The following GANC variants were observed in gnomAD, a reference collection of about 807,000 sequenced individuals.
The protein encoded by GANC is neutral alpha-glucosidase C.
Under a neutral mutation model 124.2 loss-of-function variants are expected in GANC, and 117 were observed. That is an observed-to-expected ratio of 0.94 (90% CI 0.81 to 1.10). The LOEUF (loss-of-function observed/expected upper bound fraction) is 1.10. GANC is among the 50% of genes least tolerant of loss of function. GANC has a pLI of 0.00. For synonymous variants in GANC, 377 were observed against 376.8 expected (o/e 1.00, Z -0.01); for missense variants, 1,140 against 1,095.0 (o/e 1.04, Z -0.58).
chr15:42,342,820 C>T (rs1293746351), intron 18 of GANC, among the ~76,000 whole-genome samples: 1 of 152,120 alleles, frequency 6.6e-6, no homozygotes. Context: ...GTGTCAGAGT[C>T]CCTTCCTATA....
At chr15:42,287,085 A>G (rs1273242320) in intron 3 of GANC, among the ~76,000 whole-genome samples, 1 of 152,244 alleles carries the variant, frequency 6.6e-6, no homozygotes, top group Non-Finnish European at 1.5e-5. Flanking sequence ...CACGGTAGGC[A>G]GAATTTTACT....
chr15:42,299,000 G>A (rs550161492), intron 6 of GANC, among the ~76,000 whole-genome samples: 12 of 152,186 alleles, frequency 7.9e-5, no homozygotes, highest in African/African-American at 1.2e-4. Context: ...AAATCATGTC[G>A]TCTACAAACA....
At chr15:42,286,010 G>GTTT (rs879779789) in intron 3 of GANC, among the ~76,000 whole-genome samples, 6 of 144,568 alleles carry the variant, frequency 4.2e-5, no homozygotes, top group Admixed American at 2.8e-4. Flanking sequence ...ACAAAAATTA[G>GTTT]TTTTTTTTTT....
At chr15:42,347,197 G>C (rs560976894) in intron 20 of GANC, among the ~76,000 whole-genome samples, 1 of 151,340 alleles carries the variant, frequency 6.6e-6, no homozygotes. Flanking sequence ...AAAAAGAAGA[G>C]AGAGATTGGC....
At chr15:42,317,173 A>G (rs149316944) in intron 10 of GANC, among the ~76,000 whole-genome samples, 6 of 152,354 alleles carry the variant, frequency 3.9e-5, no homozygotes, top group Admixed American at 3.3e-4. Context: ...ATCCAAGTGC[A>G]CATCAAAGAT....
chr15:42,343,744 C>A (rs771248145), intron 19 of GANC, among the ~76,000 whole-genome samples: 1 of 152,130 alleles, frequency 6.6e-6, no homozygotes, highest in Non-Finnish European at 1.5e-5. Context: ...GGAATACCAG[C>A]GGTCTGCAGG....
intron 15 of GANC, among the ~76,000 whole-genome samples, chr15:42,334,549 A>C (rs142337326): frequency 0.012 from 1,893 of 152,332 alleles, 26 homozygotes; most frequent in South Asian, 0.031. Context: ...AAAATGACAA[A>C]TTAGACTTTA....
intron 4 of GANC, among the ~76,000 whole-genome samples, chr15:42,289,931 A>G (rs1269689881): frequency 6.6e-6 from 1 of 152,212 alleles, no homozygotes; most frequent in Non-Finnish European, 1.5e-5. Context: ...ACAGAGGGAC[A>G]ACCACGTGAA....
intron 18 of GANC, among the ~76,000 whole-genome samples, chr15:42,342,179 A>G (rs1314228839): frequency 6.6e-6 from 1 of 152,228 alleles, no homozygotes; most frequent in Non-Finnish European, 1.5e-5. Flanking sequence ...GGCATGCAGT[A>G]GGCACTCGAA....
At chr15:42,320,162 G>T (rs867062357) in intron 10 of GANC, among the ~76,000 whole-genome samples, 1 of 152,054 alleles carries the variant, frequency 6.6e-6, no homozygotes, top group African/African-American at 2.4e-5. Flanking sequence ...CAGCCTGGGC[G>T]ACAGAGCTAA....
At chr15:42,321,494 C>G (rs1420096615) in intron 10 of GANC, among the ~76,000 whole-genome samples, 1 of 152,188 alleles carries the variant, frequency 6.6e-6, no homozygotes, top group Non-Finnish European at 1.5e-5. Flanking sequence ...TGAAGCCTTT[C>G]AAGACCCTAT....
At chr15:42,284,563 G>C (rs1380547232) in intron 3 of GANC, among the ~76,000 whole-genome samples, 1 of 152,152 alleles carries the variant, frequency 6.6e-6, no homozygotes, top group Non-Finnish European at 1.5e-5. Flanking sequence ...GTACTAAAAT[G>C]AACCTCCAAA....
At chr15:42,340,601 TAAAAAAAA>T in intron 17 of GANC, 81 bp from the exon 18 acceptor site, 1 of 795,278 alleles carries the variant, frequency 1.3e-6, no homozygotes, top group Non-Finnish European at 1.9e-6. Flanking sequence ...GAGATCCATC[TAAAAAAAA>T]AAAAAAAACT....
chr15:42,337,322 T>C (rs779380088), intron 15 of GANC, among the ~76,000 whole-genome samples: 1 of 152,180 alleles, frequency 6.6e-6, no homozygotes, highest in Non-Finnish European at 1.5e-5. Context: ...GAATGAGATA[T>C]CTTGCCTGTG....
chr15:42,350,551 CTT>C (rs1265729419), intron 22 of GANC, among the ~76,000 whole-genome samples: 5 of 123,336 alleles, frequency 4.1e-5, no homozygotes, highest in Admixed American at 8.4e-5. Flanking sequence ...ACAGAGTTGT[CTT>C]TTTTTTTTTT....
At chr15:42,294,619 A>G (rs1390795001) in intron 5 of GANC, among the ~76,000 whole-genome samples, 2 of 147,990 alleles carry the variant, frequency 1.4e-5, no homozygotes, top group African/African-American at 2.5e-5. Context: ...TTTTTTGTGT[A>G]TCCTTTCAGA....
At chr15:42,298,613 C>G (rs2051914464) in intron 6 of GANC, among the ~76,000 whole-genome samples, 1 of 152,186 alleles carries the variant, frequency 6.6e-6, no homozygotes, top group African/African-American at 2.4e-5. Context: ...ATGGACACTC[C>G]AGAAATCTTC....
intron 11 of GANC, among the ~76,000 whole-genome samples, chr15:42,322,974 G>C (rs1387906399): frequency 1.3e-5 from 2 of 152,122 alleles, no homozygotes; most frequent in East Asian, 3.9e-4. Context: ...TCCCCACCAG[G>C]CTTTTCACAG....
Position 42,275,600 on chromosome 15 carries a change from A to C in GANC, c.30-748A>C, listed in dbSNP as rs75715033. Among the ~76,000 whole-genome samples, 572 of 152,152 alleles carry C rather than the reference A, an allele frequency of 3.8e-3. 35 individuals are homozygous for C. The East Asian group carries it at 0.095, about 25-fold the overall frequency. On this transcript the variant is annotated intron_variant, in intron 1 of 23. Transcript: ENST00000318010. ...GGTGTAATTTTTTTTTCTCCTTATA[A>C]TCTGTAGTTGTTTTAATCAGATGGA...
Sources: allele counts gnomAD v4.1 joint callset (sites outside exome capture counted in the v4.1 genomes callset), GRCh38; gene constraint gnomAD v4.1.1; transcripts MANE v1.5; gene names NCBI Gene and HGNC (gene_info 2026-07-23, HGNC 2026-07-21).